FOXP1: variants seen among roughly 807,000 people sequenced by gnomAD.
FOXP1 encodes forkhead box P1.
Under a neutral mutation model 98.2 loss-of-function variants are expected in FOXP1, and 15 were observed. The ratio of observed to expected loss-of-function variants is 0.15; its 90% CI spans 0.10 to 0.24. The LOEUF (loss-of-function observed/expected upper bound fraction) is 0.24. Ranked by LOEUF, FOXP1 falls within the 10% of genes least tolerant of loss-of-function variation. The pLI, the probability that FOXP1 is intolerant of heterozygous loss-of-function variation, is 1.00. For missense variants in FOXP1, 633 were observed against 848.5 expected (o/e 0.75, Z 3.15); for synonymous variants, 371 against 314.5 (o/e 1.18, Z -1.90).
rs2042700111 is a variant in FOXP1, at chr3:71,517,930, T to G, written c.-297-24375A>C. On this transcript the variant is annotated intron_variant, in intron 2 of 20. Transcript: ENST00000649528. ...GGCATATAAGTGTCATTATTAGCTC[T>G]CCCCTCGAAATACATCAGGTGCACT... is the stretch of plus-strand genomic sequence containing the variant. Among the ~76,000 whole-genome samples the G allele has an allele frequency of 2.0e-5, 3 of 152,198 alleles. No individual in the cohort carries two copies. The South Asian group carries it at 6.2e-4, about 32-fold the overall frequency.
At chr3:71,482,049 C>T (rs1244294586) in intron 3 of FOXP1, among the ~76,000 whole-genome samples, 1 of 152,182 alleles carries the variant, frequency 6.6e-6, no homozygotes, top group African/African-American at 2.4e-5. Flanking sequence ...TTCACATGCA[C>T]ATCTGATCAC....
chr3:71,043,428 T>G (rs1438764255), intron 10 of FOXP1, among the ~76,000 whole-genome samples: 1 of 152,126 alleles, frequency 6.6e-6, no homozygotes. Flanking sequence ...AACTATTATT[T>G]TCCAACACCT....
chr3:71,300,395 G>A (rs1028296484), intron 4 of FOXP1, among the ~76,000 whole-genome samples: 3 of 152,210 alleles, frequency 2.0e-5, no homozygotes, highest in Non-Finnish European at 4.4e-5. Flanking sequence ...GAGGGGCAGG[G>A]AGTTAATTGC....
At chr3:70,973,461 T>G (rs1170350657) in intron 17 of FOXP1, among the ~76,000 whole-genome samples, 1 of 152,220 alleles carries the variant, frequency 6.6e-6, no homozygotes, top group Non-Finnish European at 1.5e-5. Flanking sequence ...TGGCCATTCC[T>G]AAGCTGAGAC....
chr3:71,440,525 A>G (rs959800494), intron 3 of FOXP1, among the ~76,000 whole-genome samples: 2 of 152,064 alleles, frequency 1.3e-5, no homozygotes, highest in East Asian at 3.9e-4. Flanking sequence ...AAAATACAAG[A>G]AAGTTAGCTG....
chr3:70,978,151 A>ATGTT, intron 14 of FOXP1, 122 bp from the exon 15 acceptor site: 1 of 779,296 alleles, frequency 1.3e-6, no homozygotes, highest in South Asian at 1.4e-5. Context: ...TGTAGATGGT[A>ATGTT]TGTTTACCAT....
chr3:71,518,626 A>C (rs1228771947), intron 2 of FOXP1, among the ~76,000 whole-genome samples: 1 of 152,228 alleles, frequency 6.6e-6, no homozygotes, highest in African/African-American at 2.4e-5. Flanking sequence ...AGACTTGGAA[A>C]ACACATGCAG....
At chr3:71,392,458 A>C (rs984899220) in intron 3 of FOXP1, among the ~76,000 whole-genome samples, 3 of 152,230 alleles carry the variant, frequency 2.0e-5, no homozygotes, top group Non-Finnish European at 2.9e-5. Flanking sequence ...AAAAAAAGGA[A>C]GTGGTAAACT....
At chr3:71,443,987 A>C (rs1255506480) in intron 3 of FOXP1, among the ~76,000 whole-genome samples, 1 of 152,186 alleles carries the variant, frequency 6.6e-6, no homozygotes, top group Non-Finnish European at 1.5e-5. Context: ...CCTCCTTCAG[A>C]GGGGCTTCAC....
intron 14 of FOXP1, among the ~76,000 whole-genome samples, chr3:70,984,140 G>C (rs1359661642): frequency 6.6e-6 from 1 of 152,190 alleles, no homozygotes; most frequent in Non-Finnish European, 1.5e-5. Context: ...ATGTACCTGA[G>C]AGCTAGAGCT....
intron 7 of FOXP1, among the ~76,000 whole-genome samples, chr3:71,065,139 C>A (rs2052299639): frequency 6.6e-6 from 1 of 151,190 alleles, no homozygotes; most frequent in African/African-American, 2.4e-5. Context: ...TCGGGTGCCA[C>A]CCTGCTTTTG....
intron 6 of FOXP1, among the ~76,000 whole-genome samples, chr3:71,181,054 T>G (rs1028369943): frequency 6.6e-6 from 1 of 152,192 alleles, no homozygotes; most frequent in African/African-American, 2.4e-5. Context: ...GGTTTGCCTG[T>G]CAAATAAGAA....
In FOXP1 at chr3:71,082,237, C is replaced by T. The variant is rs187390052; in HGVS notation, c.283-28464G>A. Among the ~76,000 whole-genome samples, 766 of 150,606 alleles carry T rather than the reference C, an allele frequency of 5.1e-3. 5 individuals carry two copies. The highest frequency in any genetic ancestry group is 7.6e-3 in the Non-Finnish European group (514 of 67,818). ...GAGGTTGCAGTGAGCCGAGATTGCA[C>T]CACCGCACTCCAGCCTGGGTGACAC... is the stretch of plus-strand genomic sequence containing the variant. On this transcript the variant is annotated intron_variant, in intron 7 of 20. Coordinates refer to ENST00000649528, the MANE Select transcript of FOXP1 (RefSeq NM_001349338.3).
At chr3:71,217,382 G>A (rs1349970133) in intron 5 of FOXP1, among the ~76,000 whole-genome samples, 1 of 151,870 alleles carries the variant, frequency 6.6e-6, no homozygotes, top group East Asian at 1.9e-4. Flanking sequence ...CTAGGATTTT[G>A]TTCTTTTTTT....
intron 5 of FOXP1, among the ~76,000 whole-genome samples, chr3:71,218,125 T>G (rs556991926): frequency 2.6e-5 from 4 of 152,330 alleles, no homozygotes; most frequent in African/African-American, 9.6e-5. Flanking sequence ...GCACTGCACC[T>G]GGGTGTGTTC....
intron 4 of FOXP1, among the ~76,000 whole-genome samples, chr3:71,321,640 G>A (rs536476332): frequency 2.0e-3 from 266 of 131,772 alleles, no homozygotes; most frequent in Non-Finnish European, 3.7e-3. Context: ...TTTTTTTTTT[G>A]AGATGGAGAC....
intron 3 of FOXP1, among the ~76,000 whole-genome samples, chr3:71,440,411 C>G (rs1430530711): frequency 6.6e-6 from 1 of 151,804 alleles, no homozygotes; most frequent in Non-Finnish European, 1.5e-5. Flanking sequence ...GGCGCGGTGG[C>G]TCACGCCTGT....
At chr3:70,994,944 A>G (rs1451095778) in intron 13 of FOXP1, among the ~76,000 whole-genome samples, 10 of 152,330 alleles carry the variant, frequency 6.6e-5, no homozygotes, top group African/African-American at 1.9e-4. Context: ...AGAACAAATT[A>G]AAACCACTAC....
intron 7 of FOXP1, among the ~76,000 whole-genome samples, chr3:71,097,620 C>T (rs2056589161): frequency 6.6e-6 from 1 of 152,156 alleles, no homozygotes; most frequent in East Asian, 1.9e-4. Context: ...ACCCAGCCAC[C>T]TTGACAGTAC....
Sources: allele counts gnomAD v4.1 joint callset (sites outside exome capture counted in the v4.1 genomes callset), GRCh38; gene constraint gnomAD v4.1.1; transcripts MANE v1.5; gene names NCBI Gene and HGNC (gene_info 2026-07-23, HGNC 2026-07-21).